HSD17B12: variants seen among roughly 807,000 people sequenced by gnomAD.
HSD17B12 encodes hydroxysteroid 17-beta dehydrogenase 12.
In HSD17B12, 32 loss-of-function variants were observed where a neutral mutation model predicts 39.3. The ratio of observed to expected loss-of-function variants is 0.81; its 90% CI spans 0.61 to 1.09. HSD17B12 has a LOEUF of 1.09. Ranked by LOEUF, HSD17B12 falls within the 50% of genes least tolerant of loss-of-function variation. The probability of loss-of-function intolerance (pLI) is 0.00; values close to 1 mark genes in which losing one functional copy is unlikely to be tolerated. For synonymous variants in HSD17B12, 150 were observed against 146.7 expected, an observed-to-expected ratio of 1.02 and a Z score of -0.16; for missense variants, 342 against 382.9, an observed-to-expected ratio of 0.89 and a Z score of 0.89.
chr11:43,701,122 A>G lies in HSD17B12; in HGVS notation c.160+20135A>G, dbSNP rs536829652. The stretch of plus-strand genomic sequence containing the variant: ...GCACCTTTTCATATGCCTGTTTGAC[A>G]TTTGTATGTCTTCTTTTGAGAAATG... On this transcript the variant is annotated intron_variant, in intron 1 of 10. Transcript: ENST00000278353. Among the ~76,000 whole-genome samples, 4 of 152,298 alleles carry G rather than the reference A, an allele frequency of 2.6e-5. No homozygotes were observed. In the South Asian group the frequency reaches 8.3e-4, roughly 32 times the overall value.
the HSD17B12 span, among the ~76,000 whole-genome samples, chr11:43,634,880 G>A: frequency 3.3e-5 from 5 of 152,290 alleles, no homozygotes; most frequent in African/African-American, 9.6e-5. Flanking sequence ...AAAGACTTCA[G>A]GATATTGTTA....
At chr11:43,575,869 G>A in the HSD17B12 span, among the ~76,000 whole-genome samples, 1 of 152,222 alleles carries the variant, frequency 6.6e-6, no homozygotes, top group Non-Finnish European at 1.5e-5. This position sits in a 1 kb window ranked among gnomAD's most constrained non-coding sequence, Gnocchi z 4.1. Context: ...CACATATGCA[G>A]CTTTCAAAAT....
At chr11:43,759,980 A>C (rs908922464) in intron 3 of HSD17B12, among the ~76,000 whole-genome samples, 1 of 151,476 alleles carries the variant, frequency 6.6e-6, no homozygotes, top group African/African-American at 2.4e-5. Flanking sequence ...ACTGCAACCT[A>C]CGTCTCCCAG....
the HSD17B12 span, among the ~76,000 whole-genome samples, chr11:43,558,999 A>T: frequency 2.6e-3 from 398 of 152,266 alleles, no homozygotes; most frequent in African/African-American, 9.0e-3. Context: ...TAAATAAAGC[A>T]GAGTGGATGG....
intron 1 of HSD17B12, among the ~76,000 whole-genome samples, chr11:43,716,772 A>T (rs2134852074): frequency 6.7e-6 from 1 of 149,124 alleles, no homozygotes; most frequent in East Asian, 2.0e-4. Context: ...ATATATGTGC[A>T]TAGGATGCAG....
At chr11:43,701,568 C>G (rs1949964896) in intron 1 of HSD17B12, among the ~76,000 whole-genome samples, 1 of 152,234 alleles carries the variant, frequency 6.6e-6, no homozygotes, top group East Asian at 1.9e-4. Context: ...ATCCAGTTTT[C>G]CTAGCACCAT....
chr11:43,841,459 G>A (rs113358849), intron 9 of HSD17B12, among the ~76,000 whole-genome samples: 2,548 of 152,230 alleles, frequency 0.017, 25 homozygotes, highest in Non-Finnish European at 0.025. Context: ...TCCAAGAAAT[G>A]CTTGCCAAAT....
intron 1 of HSD17B12, among the ~76,000 whole-genome samples, chr11:43,720,144 G>C (rs1950163781): frequency 1.3e-5 from 2 of 152,186 alleles, no homozygotes; most frequent in South Asian, 4.1e-4. Context: ...TCTCCCCAGA[G>C]ACCATTTTTA....
At chr11:43,705,306 G>T (rs1950002999) in intron 1 of HSD17B12, among the ~76,000 whole-genome samples, 1 of 152,096 alleles carries the variant, frequency 6.6e-6, no homozygotes, top group African/African-American at 2.4e-5. Context: ...GAGGTATGTG[G>T]GAATTGTCTT....
At chr11:43,791,637 A>G (rs1950868962) in intron 3 of HSD17B12, among the ~76,000 whole-genome samples, 1 of 152,182 alleles carries the variant, frequency 6.6e-6, no homozygotes, top group Admixed American at 6.5e-5. Flanking sequence ...CCAAGTGCAG[A>G]AAAATCAACG....
At chr11:43,727,399 CA>C (rs1950231090) in intron 1 of HSD17B12, among the ~76,000 whole-genome samples, 1 of 152,122 alleles carries the variant, frequency 6.6e-6, no homozygotes, top group Non-Finnish European at 1.5e-5. Context: ...TAGAAGGTTT[CA>C]GGGGAGTCCC....
intron 1 of HSD17B12, among the ~76,000 whole-genome samples, chr11:43,692,742 G>C (rs1949874272): frequency 6.6e-6 from 1 of 152,146 alleles, no homozygotes; most frequent in African/African-American, 2.4e-5. Flanking sequence ...TTGAAATTGT[G>C]ATAAAATAAG....
At chr11:43,748,178 C>G (rs1383705488) in intron 1 of HSD17B12, among the ~76,000 whole-genome samples, 1 of 152,092 alleles carries the variant, frequency 6.6e-6, no homozygotes, top group East Asian at 1.9e-4. Context: ...CATTGCTACT[C>G]TAGTCACAAT....
At chr11:43,700,306 T>C (rs1949952182) in intron 1 of HSD17B12, among the ~76,000 whole-genome samples, 1 of 152,144 alleles carries the variant, frequency 6.6e-6, no homozygotes, top group Non-Finnish European at 1.5e-5. Context: ...TGAGAAATAA[T>C]CACATCATGA....
chr11:43,626,667 T>C, the HSD17B12 span, among the ~76,000 whole-genome samples: 3 of 151,972 alleles, frequency 2.0e-5, no homozygotes, highest in African/African-American at 7.2e-5. Context: ...AATAATACTT[T>C]TTACAAACTT....
chr11:43,649,924 G>A, the HSD17B12 span, among the ~76,000 whole-genome samples: 2 of 152,232 alleles, frequency 1.3e-5, no homozygotes, highest in African/African-American at 4.8e-5. Context: ...GACATCAAGT[G>A]TAGAGGCAAA....
At chr11:43,561,840 C>A in the HSD17B12 span, among the ~76,000 whole-genome samples, 1 of 152,176 alleles carries the variant, frequency 6.6e-6, no homozygotes, top group Non-Finnish European at 1.5e-5. Flanking sequence ...GAAGACCAAT[C>A]AATGAATAAT....
the HSD17B12 span, among the ~76,000 whole-genome samples, chr11:43,592,968 G>A: frequency 6.6e-6 from 1 of 152,120 alleles, no homozygotes; most frequent in Non-Finnish European, 1.5e-5. Context: ...TTACCAGCTA[G>A]GAAGTAACTT....
chr11:43,796,319 T>C (rs1446430253), intron 3 of HSD17B12, among the ~76,000 whole-genome samples: 1 of 151,904 alleles, frequency 6.6e-6, no homozygotes, highest in African/African-American at 2.4e-5. Context: ...CTAAGGAGGC[T>C]TAAGCCCAGG....
Sources: gnomAD v4.1 joint callset for allele counts (sites outside exome capture counted in the v4.1 genomes callset) on GRCh38, gnomAD v4.1.1 for gene constraint, Gnocchi (gnomAD v3.1) non-coding constraint, MANE v1.5 for transcripts, NCBI Gene and HGNC (gene_info 2026-07-23, HGNC 2026-07-21) for gene names.